MBP: variants seen among roughly 807,000 people sequenced by gnomAD.
MBP encodes Golli-MBP.
Under a neutral mutation model 35.8 loss-of-function variants are expected in MBP, and 16 were observed. That is an observed-to-expected ratio of 0.45 (90% confidence interval 0.30 to 0.68). The LOEUF is 0.68. MBP is among the 30% of genes least tolerant of loss of function. The pLI is 0.08. For synonymous variants in MBP, 143 were observed against 159.6 expected, an observed-to-expected ratio of 0.90 and a Z score of 0.78; for missense variants, 380 against 404.7, an observed-to-expected ratio of 0.94 and a Z score of 0.52.
intron 1 of MBP, chr18:77,115,579 T>C (rs916399283): frequency 6.6e-6 from 1 of 152,240 alleles, no homozygotes; most frequent in African/African-American, 2.4e-5. Flanking sequence ...GACCCCACCG[T>C]GGTCTCAAAG....
At chr18:77,055,066 G>A (rs1973666959) in intron 3 of MBP, among the ~76,000 whole-genome samples, 2 of 152,218 alleles carry the variant, frequency 1.3e-5, no homozygotes, top group African/African-American at 2.4e-5. Context: ...GGGAGGCCCC[G>A]CAGTTAGAAG....
At chr18:76,995,050 C>T (rs1970194752) in intron 4 of MBP, among the ~76,000 whole-genome samples, 1 of 152,178 alleles carries the variant, frequency 6.6e-6, no homozygotes, top group Non-Finnish European at 1.5e-5. Flanking sequence ...TATATATCTA[C>T]ATCCAAGTAA....
chr18:76,988,688 G>T lies in MBP; in HGVS notation c.718-161C>A. 7.1e-7 allele frequency: 1 copy of T among 1,416,770 alleles called. No individual in the cohort carries two copies. The highest frequency in any genetic ancestry group is 9.5e-7 in the Non-Finnish European group (1 of 1,050,226). 87.8% of individuals were successfully genotyped at this position (1,416,770 alleles called of 1,614,324 possible). ...CCGCAGGCTCAGGGCCACAGCGGCT[G>T]TGCAGGTGCGGGAGGGACAGGAGGG... On this transcript the variant is annotated intron_variant, in intron 6 of 8. Transcript: ENST00000355994. The surrounding 1 kb of genome is among the most constrained non-coding windows in gnomAD (Gnocchi z 5.2).
At chr18:77,099,538 G>A (rs887282606) in intron 2 of MBP, among the ~76,000 whole-genome samples, 4 of 152,202 alleles carry the variant, frequency 2.6e-5, no homozygotes, top group African/African-American at 7.2e-5. Context: ...CTGTGGCCAC[G>A]AGAAGACTGA....
chr18:77,068,298 G>A (rs1974287893), intron 2 of MBP, among the ~76,000 whole-genome samples: 1 of 152,200 alleles, frequency 6.6e-6, no homozygotes, highest in Non-Finnish European at 1.5e-5. Flanking sequence ...GCCCCCGTAT[G>A]AAGTATGGTA....
chr18:77,076,701 C>G lies in MBP; in HGVS notation c.52-10316G>C, dbSNP rs186622684. ...GTTATTAAATATATTGGTGACCACT[C>G]AAGTTAAAAACATGTTCAATGATTC... On this transcript the variant is annotated intron_variant, in intron 2 of 8. Transcript: ENST00000355994. Among the ~76,000 whole-genome samples the G allele has an allele frequency of 4.6e-5, 7 of 152,266 alleles. No individual in the cohort carries two copies. In the East Asian group the frequency reaches 1.2e-3, roughly 25 times the overall value.
At chr18:77,024,673 G>A (rs1292999093) in intron 3 of MBP, among the ~76,000 whole-genome samples, 11 of 152,340 alleles carry the variant, frequency 7.2e-5, no homozygotes, top group South Asian at 2.1e-4. Flanking sequence ...TCGTGGCAGC[G>A]CCAGGGCCTG....
In MBP at chr18:76,984,768, A is replaced by G; in HGVS notation, c.870+7T>C. On this transcript the variant is annotated splice_region_variant and intron_variant, in intron 8 of 8. Transcript: ENST00000355994. The stretch of plus-strand genomic sequence containing the variant: ...CGCTCAGTGGAGCTGAGCAGAGGGT[A>G]CCTTACCAGCTTAAAAATTTTGGAA... 6.2e-7 allele frequency: 1 copy of G among 1,613,846 alleles called. No homozygotes were observed.
At position 77,102,675 on chromosome 18, in the gene MBP, CAT is replaced by C. The variant is rs546471882; in HGVS notation, c.51+2534_51+2535del. Among the ~76,000 whole-genome samples, 138 of 152,248 alleles carry C rather than the reference CAT, an allele frequency of 9.1e-4. No individual in the cohort carries two copies. The highest frequency in any genetic ancestry group is 1.5e-3 in the Non-Finnish European group (100 of 68,012). ...CTGATAGCATTAAACAAATTAAAAA[CAT>C]ATGTGGGTGTTTTACAGCGTCAAAC... On this transcript the variant is annotated intron_variant, in intron 2 of 8. Transcript: ENST00000355994. The surrounding 1 kb of genome is among the most constrained non-coding windows in gnomAD (Gnocchi z 4.4).
chr18:77,021,560 C>T (rs34070985), intron 3 of MBP, among the ~76,000 whole-genome samples: 39,985 of 150,528 alleles, frequency 0.27, 6,592 homozygotes, highest in Non-Finnish European at 0.36. Context: ...CTCAGCTCAC[C>T]GCAACCTCCG....
At chr18:77,097,698 A>G (rs936232554) in intron 2 of MBP, among the ~76,000 whole-genome samples, 59 of 152,328 alleles carry the variant, frequency 3.9e-4, no homozygotes, top group African/African-American at 1.3e-3. Flanking sequence ...TCACAGAGAC[A>G]TGGATTCATC....
At chr18:77,037,797 C>T (rs138992768) in intron 3 of MBP, among the ~76,000 whole-genome samples, 1 of 152,096 alleles carries the variant, frequency 6.6e-6, no homozygotes, top group Admixed American at 6.5e-5. Flanking sequence ...CAGGACGGTA[C>T]CAAGTGCTGG....
chr18:77,093,999 C>T (rs1383418472), intron 2 of MBP, among the ~76,000 whole-genome samples: 7 of 145,156 alleles, frequency 4.8e-5, no homozygotes, highest in Non-Finnish European at 1.1e-4. Flanking sequence ...TTTTTTGACA[C>T]GGAGTCTCGC....
At chr18:77,111,670 CA>C (rs1976453956) in intron 1 of MBP, among the ~76,000 whole-genome samples, 1 of 152,314 alleles carries the variant, frequency 6.6e-6, no homozygotes, top group African/African-American at 2.4e-5. Context: ...GTGATCTCCT[CA>C]GCCGTTGGTA....
At chr18:76,999,306 A>G (rs1014087325) in intron 4 of MBP, among the ~76,000 whole-genome samples, 1 of 152,128 alleles carries the variant, frequency 6.6e-6, no homozygotes, top group Admixed American at 6.5e-5. Flanking sequence ...GGCCTGGGCC[A>G]GCCTCGCAAC....
chr18:76,983,209 G>A (rs1969315988), intron 8 of MBP: 1 of 152,230 alleles, frequency 6.6e-6, no homozygotes, highest in Non-Finnish European at 1.5e-5. Flanking sequence ...CAGTCCTTAA[G>A]CTGGTAGTGG....
intron 3 of MBP, among the ~76,000 whole-genome samples, chr18:77,036,027 G>A (rs1344105644): frequency 1.3e-5 from 2 of 152,262 alleles, no homozygotes; most frequent in Non-Finnish European, 2.9e-5. Flanking sequence ...GAAAGGAAGA[G>A]AAGATGTGAC....
intron 7 of MBP, chr18:76,986,081 G>A (rs960547970): frequency 8.8e-5 from 87 of 985,636 alleles, no homozygotes; most frequent in East Asian, 1.1e-4. Context: ...CGCGGTGGAC[G>A]TTAACAATGG....
Position 77,048,111 on chromosome 18 carries a change from G to A in MBP, c.139+18187C>T, listed in dbSNP as rs470577. On this transcript the variant is annotated intron_variant, in intron 3 of 8. Transcript: ENST00000355994. ...CCCCCCAAAGCATCTCTCGTTTGAC[G>A]CCCTTTTAATCTCCACTGGGAAGGC... is the stretch of plus-strand genomic sequence containing the variant. Among the ~76,000 whole-genome samples the A allele has an allele frequency of 9.2e-5, 14 of 151,938 alleles. No individual in the cohort carries two copies. The South Asian group carries it at 1.9e-3, about 20-fold the overall frequency.
Sources: gnomAD v4.1 joint callset for allele counts (sites outside exome capture counted in the v4.1 genomes callset) on GRCh38, gnomAD v4.1.1 for gene constraint, Gnocchi (gnomAD v3.1) non-coding constraint, MANE v1.5 for transcripts, NCBI Gene and HGNC (gene_info 2026-07-23, HGNC 2026-07-21) for gene names.